The following PRKCE variants were observed in gnomAD, a reference collection of about 807,000 sequenced individuals.
PRKCE encodes protein kinase C epsilon type.
In PRKCE, 16 loss-of-function variants were observed where a neutral mutation model predicts 85.4. The ratio of observed to expected loss-of-function variants is 0.19; its 90% CI spans 0.13 to 0.28. The LOEUF (loss-of-function observed/expected upper bound fraction) is 0.28. Ranked by LOEUF, PRKCE falls within the 10% of genes least tolerant of loss-of-function variation. The pLI is 1.00. For missense variants in PRKCE, 573 were observed against 975.2 expected, an observed-to-expected ratio of 0.59 and a Z score of 5.49; for synonymous variants, 388 against 371.5, an observed-to-expected ratio of 1.04 and a Z score of -0.51.
At chr2:45,738,940 A>G (rs1307580901) in intron 1 of PRKCE, among the ~76,000 whole-genome samples, 1 of 152,210 alleles carries the variant, frequency 6.6e-6, no homozygotes, top group East Asian at 1.9e-4. Flanking sequence ...TATTTTTATT[A>G]AGCAAATTAA....
chr2:45,963,756 G>A (rs1701542839), intron 2 of PRKCE, among the ~76,000 whole-genome samples: 1 of 152,098 alleles, frequency 6.6e-6, no homozygotes, highest in Non-Finnish European at 1.5e-5. Flanking sequence ...TCAGCATTCT[G>A]GGCGCCCTGC....
chr2:46,025,221 T>G (rs780487118), intron 10 of PRKCE, among the ~76,000 whole-genome samples: 14 of 152,202 alleles, frequency 9.2e-5, no homozygotes, highest in Non-Finnish European at 1.5e-4. Flanking sequence ...GGTGCAGCAG[T>G]GCTAGGCAGA....
chr2:46,127,104 C>A (rs1673937912), intron 11 of PRKCE, among the ~76,000 whole-genome samples: 1 of 152,150 alleles, frequency 6.6e-6, no homozygotes, highest in Admixed American at 6.5e-5. Flanking sequence ...TTTGGGCCTT[C>A]CTGGTTAGCT....
At chr2:45,784,942 C>A (rs1408787460) in intron 1 of PRKCE, among the ~76,000 whole-genome samples, 4 of 152,102 alleles carry the variant, frequency 2.6e-5, no homozygotes, top group Non-Finnish European at 5.9e-5. Context: ...TACTATACCT[C>A]AAAAATATAA....
chr2:45,951,811 A>G (rs554552326), intron 2 of PRKCE, among the ~76,000 whole-genome samples: 2 of 152,342 alleles, frequency 1.3e-5, no homozygotes, highest in Non-Finnish European at 2.9e-5. Flanking sequence ...CAGTTGATCC[A>G]GACTCTCAGA....
At chr2:45,906,584 G>A (rs893768090) in intron 2 of PRKCE, among the ~76,000 whole-genome samples, 4 of 152,164 alleles carry the variant, frequency 2.6e-5, no homozygotes, top group African/African-American at 7.2e-5. Flanking sequence ...GCATGGGCCT[G>A]TCTGATGGGA....
intron 2 of PRKCE, among the ~76,000 whole-genome samples, chr2:45,848,577 C>T (rs1691988852): frequency 1.3e-5 from 2 of 152,220 alleles, no homozygotes; most frequent in Non-Finnish European, 2.9e-5. Flanking sequence ...TCCCAAAGTG[C>T]TGGGATTACA....
Position 46,140,494 on chromosome 2 carries a change from A to G in PRKCE, c.1593-4599A>G, listed in dbSNP as rs368468215. Among the ~76,000 whole-genome samples, 3 of 152,338 alleles carry G rather than the reference A, an allele frequency of 2.0e-5. No individual in the cohort carries two copies. In the South Asian group the frequency reaches 6.2e-4, roughly 32 times the overall value. ...AGTTTCTGAAAACAAGTGAAGTTGG[A>G]TATGGATCACACATCTTTTATCAGA... On this transcript the variant is annotated intron_variant, in intron 11 of 14. Transcript: ENST00000306156.
chr2:45,899,141 T>A, intron 2 of PRKCE, among the ~76,000 whole-genome samples: 1 of 152,184 alleles, frequency 6.6e-6, no homozygotes, highest in Middle Eastern at 3.2e-3. Flanking sequence ...AGACTGAGCT[T>A]TGGCTGGTGG....
intron 1 of PRKCE, among the ~76,000 whole-genome samples, chr2:45,793,243 G>T (rs765441677): frequency 6.6e-6 from 1 of 152,210 alleles, no homozygotes; most frequent in Non-Finnish European, 1.5e-5. Context: ...GAATTTGGGC[G>T]AATGGGGAAA....
chr2:45,992,548 T>C (rs931214039), intron 6 of PRKCE, among the ~76,000 whole-genome samples: 1 of 152,148 alleles, frequency 6.6e-6, no homozygotes, highest in African/African-American at 2.4e-5. Flanking sequence ...AAATATTTGC[T>C]CTCTGTCTCT....
chr2:46,086,443 GC>G, intron 11 of PRKCE, 81 bp downstream of exon 11: 1 of 1,489,864 alleles, frequency 6.7e-7, no homozygotes, highest in Non-Finnish European at 9.0e-7. Context: ...TTCAGCTCCT[GC>G]CCACTCGTCT....
chr2:45,732,350 G>C (rs1192531136), intron 1 of PRKCE, among the ~76,000 whole-genome samples: 1 of 152,062 alleles, frequency 6.6e-6, no homozygotes, highest in Non-Finnish European at 1.5e-5. Flanking sequence ...GATATGTTGA[G>C]GTTCTTCATA....
chr2:45,696,663 G>A (rs1360144532), intron 1 of PRKCE, among the ~76,000 whole-genome samples: 1 of 152,146 alleles, frequency 6.6e-6, no homozygotes, highest in Non-Finnish European at 1.5e-5. Flanking sequence ...AGTCTGTGGC[G>A]GTAAGCGGAG....
intron 14 of PRKCE, among the ~76,000 whole-genome samples, chr2:46,173,506 A>G (rs1679120327): frequency 6.6e-6 from 1 of 152,248 alleles, no homozygotes; most frequent in Non-Finnish European, 1.5e-5. Flanking sequence ...GTCTCCTTGA[A>G]AAGCTTCTCA....
rs946066785 is a variant in PRKCE, at chr2:45,697,113, G to T, written c.348+44665G>T. On this transcript the variant is annotated intron_variant, in intron 1 of 14. Transcript: ENST00000306156. The surrounding 1 kb of genome is among the most constrained non-coding windows in gnomAD (Gnocchi z 4.2). ...GATTATCCCCTGATTGGAAAAGGTG[G>T]ATGTTGTTCTAATACTTAGGAACAT... 6.6e-6 allele frequency among the ~76,000 whole-genome samples: 1 copy of T among 152,248 alleles called. No homozygotes were observed. The highest frequency in any genetic ancestry group is 2.1e-4 in the South Asian group (1 of 4,836).
intron 11 of PRKCE, among the ~76,000 whole-genome samples, chr2:46,108,502 A>C (rs1487602093): frequency 6.6e-6 from 1 of 152,134 alleles, no homozygotes; most frequent in African/African-American, 2.4e-5. Context: ...GACAGTGGAG[A>C]CTCAGAGAGG....
intron 1 of PRKCE, among the ~76,000 whole-genome samples, chr2:45,686,804 T>C (rs1677331963): frequency 6.6e-6 from 1 of 152,066 alleles, no homozygotes. Flanking sequence ...AAATGGAAAA[T>C]TGGCGTCCAG....
Position 45,878,746 on chromosome 2 carries a change from A to G in PRKCE, c.412+35683A>G, listed in dbSNP as rs190299160. ...TTAAAACAGCAGAATAAAAAGCTTTAATACCAAAGACATAATAAAGAACAA... is the reference window on the plus strand; with the variant it reads ...TTAAAACAGCAGAATAAAAAGCTTTGATACCAAAGACATAATAAAGAACAA... On this transcript the variant is annotated intron_variant, in intron 2 of 14. Coordinates refer to ENST00000306156, the MANE Select transcript of PRKCE (RefSeq NM_005400.3). 4.5e-4 allele frequency among the ~76,000 whole-genome samples: 68 copies of G among 152,370 alleles called. No individual in the cohort carries two copies. In the East Asian group the frequency reaches 0.01, roughly 22 times the overall value.
Sources: allele counts gnomAD v4.1 joint callset (sites outside exome capture counted in the v4.1 genomes callset), GRCh38; gene constraint gnomAD v4.1.1; non-coding constraint Gnocchi (gnomAD v3.1); transcripts MANE v1.5; gene names NCBI Gene and HGNC (gene_info 2026-07-23, HGNC 2026-07-21).